Variants in BAZ2B observed in about 807,000 individuals in gnomAD.
BAZ2B encodes the protein bromodomain adjacent to zinc finger domain protein 2B.
BAZ2B carries 91 observed loss-of-function variants against 246.0 expected under a neutral mutation model. The observed-to-expected ratio is 0.37, with a 90% CI of 0.31 to 0.44. The LOEUF (loss-of-function observed/expected upper bound fraction) is 0.44. Among genes scored for constraint, BAZ2B ranks in the 20% least tolerant of loss-of-function variants. The pLI is 1.00. For missense variants in BAZ2B, 2,332 were observed against 2,533.7 expected (o/e 0.92, Z 1.71); for synonymous variants, 855 against 860.0 (o/e 0.99, Z 0.10).
intron 2 of BAZ2B, among the ~76,000 whole-genome samples, chr2:159,490,351 GCAAT>G (rs2080312023): frequency 6.6e-6 from 1 of 152,046 alleles, no homozygotes; most frequent in Non-Finnish European, 1.5e-5. Context: ...GTCCAAAATA[GCAAT>G]AGAATCTACG....
intron 31 of BAZ2B, among the ~76,000 whole-genome samples, chr2:159,339,122 G>A (rs969035873): frequency 6.6e-6 from 1 of 151,980 alleles, no homozygotes; most frequent in African/African-American, 2.4e-5. Flanking sequence ...CTTTAACTCA[G>A]TAGAATATTT....
At chr2:159,378,896 T>C (rs2061688974) in intron 25 of BAZ2B, among the ~76,000 whole-genome samples, 1 of 152,016 alleles carries the variant, frequency 6.6e-6, no homozygotes, top group Admixed American at 6.6e-5. Flanking sequence ...CTGTTGGGAG[T>C]GTGGGATTGT....
At chr2:159,659,129 T>C in the BAZ2B span, among the ~76,000 whole-genome samples, 1 of 152,230 alleles carries the variant, frequency 6.6e-6, no homozygotes, top group African/African-American at 2.4e-5. Flanking sequence ...AGAATTTGTA[T>C]AATTTCTTCC....
intron 2 of BAZ2B, among the ~76,000 whole-genome samples, chr2:159,536,782 T>C (rs1250179981): frequency 2.0e-5 from 3 of 152,132 alleles, no homozygotes; most frequent in Non-Finnish European, 4.4e-5. Flanking sequence ...TTTTATATAA[T>C]AACCAAAGTG....
At chr2:159,500,682 G>A (rs891247392) in intron 2 of BAZ2B, among the ~76,000 whole-genome samples, 13 of 152,264 alleles carry the variant, frequency 8.5e-5, no homozygotes, top group East Asian at 1.9e-4. Context: ...GGCCAGGTGC[G>A]GTGGTTCATG....
intron 3 of BAZ2B, among the ~76,000 whole-genome samples, chr2:159,466,415 T>A (rs1420154784): frequency 6.6e-6 from 1 of 152,204 alleles, no homozygotes; most frequent in African/African-American, 2.4e-5. Context: ...ATATATTTTG[T>A]GTCAGGCACT....
intron 1 of BAZ2B, among the ~76,000 whole-genome samples, chr2:159,609,346 T>G (rs1247529614): frequency 1.3e-5 from 2 of 152,186 alleles, no homozygotes; most frequent in Non-Finnish European, 1.5e-5. Flanking sequence ...TCTAATCCAG[T>G]TATAAAGTCA....
At chr2:159,608,795 A>C (rs1163813449) in intron 1 of BAZ2B, among the ~76,000 whole-genome samples, 1 of 152,204 alleles carries the variant, frequency 6.6e-6, no homozygotes, top group Non-Finnish European at 1.5e-5. Context: ...AGTACAGCCT[A>C]CTATCAGCTG....
At chr2:159,345,206 G>C (rs6718326) in intron 31 of BAZ2B, among the ~76,000 whole-genome samples, 136,589 of 150,470 alleles carry the variant, frequency 0.91, 62,854 homozygotes, top group Middle Eastern at 0.99. Flanking sequence ...AGTGAAACTT[G>C]GTCTCAAAAA....
intron 6 of BAZ2B, chr2:159,444,155 C>T (rs529622941): frequency 1.3e-5 from 2 of 151,970 alleles, no homozygotes; most frequent in African/African-American, 4.8e-5. Flanking sequence ...AGGACCTTAG[C>T]GCTTACACCG....
intron 25 of BAZ2B, among the ~76,000 whole-genome samples, chr2:159,377,067 AGAGTGAGGAGAAGAGG>A (rs2061483946): frequency 6.6e-6 from 1 of 152,190 alleles, no homozygotes; most frequent in Non-Finnish European, 1.5e-5. Flanking sequence ...GAAGGAATGA[AGAGTGAGGAGAAGAGG>A]GAATTCTCTT....
chr2:159,318,859 T>G (rs1043989334), downstream of BAZ2B: 3 of 152,210 alleles, frequency 2.0e-5, no homozygotes, highest in Non-Finnish European at 2.9e-5. Context: ...CCCAGCCCAG[T>G]GCTCTTTGAA....
chr2:159,546,287 TGA>T (rs2087336064), intron 2 of BAZ2B, among the ~76,000 whole-genome samples: 1 of 151,862 alleles, frequency 6.6e-6, no homozygotes, highest in African/African-American at 2.4e-5. Flanking sequence ...ATGAGTCTTA[TGA>T]TATCTGATGG....
chr2:159,695,146 T>C, the BAZ2B span: 6 of 152,228 alleles, frequency 3.9e-5, no homozygotes, highest in African/African-American at 7.2e-5. Context: ...TAGAAAAATA[T>C]CTATTTAAAT....
the BAZ2B span, among the ~76,000 whole-genome samples, chr2:159,699,447 G>T: frequency 5.3e-5 from 8 of 152,010 alleles, no homozygotes; most frequent in Non-Finnish European, 1.2e-4. Flanking sequence ...TGAGTCAGGA[G>T]GATCACTTGA....
intron 2 of BAZ2B, among the ~76,000 whole-genome samples, chr2:159,509,133 C>T (rs2082645943): frequency 6.6e-6 from 1 of 151,972 alleles, no homozygotes; most frequent in Non-Finnish European, 1.5e-5. Flanking sequence ...CTCTCTCTCA[C>T]TTATAAAATA....
the BAZ2B span, among the ~76,000 whole-genome samples, chr2:159,692,845 A>G: frequency 3.3e-5 from 5 of 152,210 alleles, no homozygotes; most frequent in Non-Finnish European, 7.3e-5. Context: ...CTGTAGCACA[A>G]TGGTACCACA....
At chr2:159,403,309 AAGAC>A (rs2065389213) in intron 16 of BAZ2B, among the ~76,000 whole-genome samples, 1 of 152,168 alleles carries the variant, frequency 6.6e-6, no homozygotes, top group Non-Finnish European at 1.5e-5. Context: ...GATAAATATT[AAGAC>A]CAGTTCATTT....
chr2:159,455,037 C>G (rs56217647), intron 3 of BAZ2B, among the ~76,000 whole-genome samples: 4,684 of 152,154 alleles, frequency 0.031, 221 homozygotes, highest in African/African-American at 0.11. Flanking sequence ...AGAGAATACT[C>G]TAGGTTATCT....
Sources: gnomAD v4.1 joint callset for allele counts (sites outside exome capture counted in the v4.1 genomes callset) on GRCh38, gnomAD v4.1.1 for gene constraint, MANE v1.5 for transcripts, NCBI Gene and HGNC (gene_info 2026-07-23, HGNC 2026-07-21) for gene names.